The following CIMIP6 variants were observed in gnomAD, a reference collection of about 807,000 sequenced individuals.
The protein encoded by CIMIP6 is uncharacterized protein C2orf73.
the CIMIP6 span, among the ~76,000 whole-genome samples, chr2:54,355,032 G>A: frequency 4.0e-5 from 6 of 151,884 alleles, no homozygotes; most frequent in Admixed American, 2.0e-4. Context: ...GGTCTGTTTT[G>A]GGGGGAAATC....
the CIMIP6 span, among the ~76,000 whole-genome samples, chr2:54,344,861 G>T: frequency 2.0e-5 from 3 of 152,062 alleles, no homozygotes; most frequent in South Asian, 6.2e-4. Context: ...CAAAACAGAA[G>T]ATCTGTTTGG....
the CIMIP6 span, chr2:54,361,396 C>G: frequency 2.0e-5 from 3 of 152,078 alleles, no homozygotes; most frequent in Non-Finnish European, 4.4e-5. Context: ...CAAAATGTAT[C>G]TATTATAAGA....
chr2:54,360,431 C>T, the CIMIP6 span: 1 of 1,598,168 alleles, frequency 6.3e-7, no homozygotes, highest in Non-Finnish European at 8.5e-7. Context: ...AGACGTCAGA[C>T]AGGCAGCCAA....
chr2:54,332,166 T>C, the CIMIP6 span, among the ~76,000 whole-genome samples: 2 of 152,206 alleles, frequency 1.3e-5, no homozygotes, highest in African/African-American at 4.8e-5. Flanking sequence ...CCCACAAATA[T>C]GCACTTAGCT....
At chr2:54,352,952 T>C in the CIMIP6 span, among the ~76,000 whole-genome samples, 33 of 152,322 alleles carry the variant, frequency 2.2e-4, no homozygotes, top group African/African-American at 7.5e-4. Context: ...AAACTTACTG[T>C]TCCTTTCTAA....
chr2:54,381,275 G>A, the CIMIP6 span, among the ~76,000 whole-genome samples: 5 of 152,114 alleles, frequency 3.3e-5, no homozygotes, highest in African/African-American at 1.2e-4. Flanking sequence ...GTTCATGCTG[G>A]TTCTAATCTG....
the CIMIP6 span, among the ~76,000 whole-genome samples, chr2:54,379,249 T>C: frequency 1.5e-4 from 23 of 152,246 alleles, no homozygotes; most frequent in African/African-American, 4.8e-4. Flanking sequence ...GTGACCTGGC[T>C]GCCCCTAACA....
chr2:54,353,489 T>C, the CIMIP6 span, among the ~76,000 whole-genome samples: 1 of 152,080 alleles, frequency 6.6e-6, no homozygotes, highest in Non-Finnish European at 1.5e-5. Context: ...GTTTTCATCA[T>C]AATTGCAGGG....
chr2:54,361,208 A>G, the CIMIP6 span: 1 of 152,242 alleles, frequency 6.6e-6, no homozygotes, highest in African/African-American at 2.4e-5. Flanking sequence ...CTGCCAGTAC[A>G]AGATGCACAG....
chr2:54,354,004 TTTAATC>T, the CIMIP6 span, among the ~76,000 whole-genome samples: 1 of 152,194 alleles, frequency 6.6e-6, no homozygotes, highest in Non-Finnish European at 1.5e-5. Flanking sequence ...TAATTAGGTC[TTTAATC>T]TTAGAGTCCA....
the CIMIP6 span, chr2:54,334,806 A>G: frequency 1.3e-6 from 2 of 1,510,770 alleles, no homozygotes; most frequent in Non-Finnish European, 1.8e-6. Flanking sequence ...TTTACTATTT[A>G]TGTTTTTCAG....
chr2:54,359,027 C>A, the CIMIP6 span: 1 of 1,555,566 alleles, frequency 6.4e-7, no homozygotes, highest in South Asian at 1.2e-5. Context: ...CTCTTTTATA[C>A]ATCAATATGA....
At chr2:54,334,248 G>A in the CIMIP6 span, among the ~76,000 whole-genome samples, 3 of 152,028 alleles carry the variant, frequency 2.0e-5, no homozygotes, top group Non-Finnish European at 4.4e-5. Context: ...TTTCGTATTT[G>A]TAACAGAGTG....
At chr2:54,342,683 A>T in the CIMIP6 span, among the ~76,000 whole-genome samples, 1 of 150,832 alleles carries the variant, frequency 6.6e-6, no homozygotes, top group Non-Finnish European at 1.5e-5. Flanking sequence ...TCAGTATTTT[A>T]CCTATTAGAA....
At chr2:54,349,055 T>C in the CIMIP6 span, among the ~76,000 whole-genome samples, 2 of 152,358 alleles carry the variant, frequency 1.3e-5, no homozygotes, top group African/African-American at 4.8e-5. Flanking sequence ...GGGTATTTCG[T>C]ACTTAAATAA....
At chr2:54,350,287 C>G in the CIMIP6 span, among the ~76,000 whole-genome samples, 3 of 152,246 alleles carry the variant, frequency 2.0e-5, no homozygotes, top group Admixed American at 6.5e-5. Flanking sequence ...CAAGCTACCT[C>G]AAATTTAATT....
the CIMIP6 span, among the ~76,000 whole-genome samples, chr2:54,356,662 C>G: frequency 6.6e-6 from 1 of 152,168 alleles, no homozygotes; most frequent in Non-Finnish European, 1.5e-5. Context: ...ATCCTAGAGA[C>G]TTCACAAACA....
At chr2:54,384,170 A>G in the CIMIP6 span, among the ~76,000 whole-genome samples, 13 of 152,348 alleles carry the variant, frequency 8.5e-5, no homozygotes, top group Admixed American at 5.2e-4. Context: ...TAATTCTCGC[A>G]ATAAACCTCT....
the CIMIP6 span, among the ~76,000 whole-genome samples, chr2:54,342,076 T>G: frequency 2.6e-5 from 4 of 152,330 alleles, no homozygotes; most frequent in Middle Eastern, 3.4e-3. Flanking sequence ...CTGTAATCTC[T>G]GCAGAAATTA....
Sources: allele counts gnomAD v4.1 joint callset (sites outside exome capture counted in the v4.1 genomes callset), GRCh38; gene constraint gnomAD v4.1.1; transcripts MANE v1.5; gene names NCBI Gene and HGNC (gene_info 2026-07-23, HGNC 2026-07-21).